Variants in GUCA1C observed in about 807,000 individuals in gnomAD.
GUCA1C encodes the protein guanylyl cyclase-activating protein 3.
GUCA1C carries 15 observed loss-of-function variants against 16.2 expected under a neutral mutation model. The ratio of observed to expected loss-of-function variants is 0.93; its 90% CI spans 0.62 to 1.43. GUCA1C has a LOEUF of 1.43. Among genes scored for constraint, GUCA1C ranks in the 40% most tolerant of loss-of-function variants. The pLI, the probability that GUCA1C is intolerant of heterozygous loss-of-function variation, is 0.00. For synonymous variants in GUCA1C, 78 were observed against 85.4 expected (o/e 0.91, Z 0.48); for missense variants, 275 against 244.8 (o/e 1.12, Z -0.82).
In GUCA1C at chr3:108,950,814, G is replaced by T. The variant is rs909738461; in HGVS notation, c.204+2745C>A. 6.6e-5 allele frequency among the ~76,000 whole-genome samples: 10 copies of T among 152,152 alleles called. No homozygotes were observed. In the South Asian group the frequency reaches 2.1e-3, roughly 32 times the overall value. The stretch of plus-strand genomic sequence containing the variant: ...GAGGTTGACAGCAGGAGAAAAGACA[G>T]AACAACAAGAAAAAGCAAACAGAAT... On this transcript the variant is annotated intron_variant, in intron 1 of 3. Coordinates refer to ENST00000261047, the MANE Select transcript of GUCA1C (RefSeq NM_005459.4).
At chr3:108,935,780 A>C (rs1946721631) in intron 1 of GUCA1C, among the ~76,000 whole-genome samples, 1 of 152,174 alleles carries the variant, frequency 6.6e-6, no homozygotes, top group Admixed American at 6.5e-5. Context: ...TCTACCATTA[A>C]ATAGATGAAA....
At chr3:108,916,953 A>T (rs1187839709) in intron 2 of GUCA1C, among the ~76,000 whole-genome samples, 1 of 152,212 alleles carries the variant, frequency 6.6e-6, no homozygotes, top group Non-Finnish European at 1.5e-5. Context: ...TTCTAGCAAC[A>T]TATTTCAATT....
At chr3:108,947,013 T>A (rs35993199) in intron 1 of GUCA1C, among the ~76,000 whole-genome samples, 14,761 of 151,184 alleles carry the variant, frequency 0.098, 923 homozygotes, top group Non-Finnish European at 0.14. Flanking sequence ...ACTAAAAGAG[T>A]AGATTTTAAA....
intron 1 of GUCA1C, among the ~76,000 whole-genome samples, chr3:108,942,253 G>GTGTTA (rs1237201863): frequency 6.6e-6 from 1 of 152,160 alleles, no homozygotes; most frequent in Non-Finnish European, 1.5e-5. Context: ...GAAGTGTTGA[G>GTGTTA]TGTTAGCCTT....
chr3:108,951,447 A>G (rs946735868), intron 1 of GUCA1C, among the ~76,000 whole-genome samples: 1 of 152,256 alleles, frequency 6.6e-6, no homozygotes, highest in Non-Finnish European at 1.5e-5. Flanking sequence ...AATTTAAAAA[A>G]TAAAGTCGAA....
At chr3:108,939,838 T>TA (rs1576554738) in intron 1 of GUCA1C, among the ~76,000 whole-genome samples, 1 of 152,086 alleles carries the variant, frequency 6.6e-6, no homozygotes, top group East Asian at 1.9e-4. Context: ...TCAGGCAGCT[T>TA]AAAAAACAAA....
At chr3:108,920,708 C>A in intron 1 of GUCA1C, 123 bp from the exon 2 acceptor site, 1 of 578,038 alleles carries the variant, frequency 1.7e-6, no homozygotes, top group South Asian at 2.7e-5. Context: ...AAGATTTCAG[C>A]ATAAAACTTT....
At chr3:108,939,037 G>A (rs1946757758) in intron 1 of GUCA1C, among the ~76,000 whole-genome samples, 1 of 152,102 alleles carries the variant, frequency 6.6e-6, no homozygotes, top group Admixed American at 6.6e-5. Flanking sequence ...GCAGACCTAG[G>A]ACTACAGTCA....
upstream of GUCA1C, among the ~76,000 whole-genome samples, chr3:108,955,052 T>C (rs1278983902): frequency 6.6e-6 from 1 of 152,112 alleles, no homozygotes; most frequent in East Asian, 1.9e-4. Context: ...TTTTCTAACC[T>C]CACTCAATTC....
intron 1 of GUCA1C, among the ~76,000 whole-genome samples, chr3:108,941,985 C>T (rs1263623196): frequency 6.6e-6 from 1 of 152,184 alleles, no homozygotes. Context: ...TCTCCCTCTT[C>T]CCTCCTGCTC....
chr3:108,910,852 A>G (rs1002647247), intron 3 of GUCA1C, among the ~76,000 whole-genome samples: 18 of 151,814 alleles, frequency 1.2e-4, no homozygotes, highest in Non-Finnish European at 2.2e-4. Flanking sequence ...GGGTTTCACC[A>G]TGTTAGCCAG....
chr3:108,918,850 A>G (rs1223818936), intron 2 of GUCA1C, among the ~76,000 whole-genome samples: 1 of 152,138 alleles, frequency 6.6e-6, no homozygotes, highest in Non-Finnish European at 1.5e-5. Flanking sequence ...CAATAAGTAT[A>G]TATTCCATTG....
At chr3:108,929,169 C>T (rs888422369) in intron 1 of GUCA1C, among the ~76,000 whole-genome samples, 2 of 151,736 alleles carry the variant, frequency 1.3e-5, no homozygotes, top group Admixed American at 1.3e-4. Context: ...TAGATTTATA[C>T]CTAATAATTT....
chr3:108,946,418 G>A (rs1210314532), intron 1 of GUCA1C, among the ~76,000 whole-genome samples: 3 of 152,094 alleles, frequency 2.0e-5, no homozygotes, highest in Non-Finnish European at 4.4e-5. Context: ...TTACAGGCGT[G>A]AGCCACCATG....
intron 1 of GUCA1C, among the ~76,000 whole-genome samples, chr3:108,924,474 A>G (rs908462976): frequency 4.6e-5 from 7 of 151,162 alleles, no homozygotes; most frequent in African/African-American, 1.5e-4. Flanking sequence ...CCATCCCTGC[A>G]TCCCTAATAT....
At chr3:108,932,242 G>C (rs1576551219) in intron 1 of GUCA1C, among the ~76,000 whole-genome samples, 1 of 149,776 alleles carries the variant, frequency 6.7e-6, no homozygotes, top group African/African-American at 2.5e-5. Flanking sequence ...TTATTGGCCT[G>C]AGCCTGAGTG....
At chr3:108,942,963 A>T (rs1038465824) in intron 1 of GUCA1C, among the ~76,000 whole-genome samples, 1 of 152,224 alleles carries the variant, frequency 6.6e-6, no homozygotes, top group African/African-American at 2.4e-5. Context: ...CCCCACATTC[A>T]TAAAGACATT....
At chr3:108,920,811 T>C (rs1257945114) in intron 1 of GUCA1C, among the ~76,000 whole-genome samples, 1 of 152,160 alleles carries the variant, frequency 6.6e-6, no homozygotes, top group Non-Finnish European at 1.5e-5. Context: ...TATTTTTTAG[T>C]GTAGTTTTAG....
At chr3:108,954,356 T>C (rs1444066211), upstream of GUCA1C, among the ~76,000 whole-genome samples, 2 of 152,142 alleles carry the variant, frequency 1.3e-5, no homozygotes, top group Non-Finnish European at 2.9e-5. Flanking sequence ...GTAAAGAGAA[T>C]TAAATAGTAG....
Sources: gnomAD v4.1 joint callset for allele counts (sites outside exome capture counted in the v4.1 genomes callset) on GRCh38, gnomAD v4.1.1 for gene constraint, MANE v1.5 for transcripts, NCBI Gene and HGNC (gene_info 2026-07-23, HGNC 2026-07-21) for gene names.